The following PLPPR1 variants were observed in gnomAD, a reference collection of about 807,000 sequenced individuals.
PLPPR1 encodes phospholipid phosphatase-related protein type 1.
In PLPPR1, 10 loss-of-function variants were observed where a neutral mutation model predicts 33.1. That is an observed-to-expected ratio of 0.30 (90% CI 0.19 to 0.51). The LOEUF is 0.51. Among genes scored for constraint, PLPPR1 ranks in the 20% least tolerant of loss-of-function variants. The probability of loss-of-function intolerance (pLI) is 0.97; values close to 1 mark genes in which losing one functional copy is unlikely to be tolerated. For synonymous variants in PLPPR1, 151 were observed against 151.0 expected (o/e 1.00, Z 0.00); for missense variants, 304 against 408.1 (o/e 0.74, Z 2.20).
chr9:101,318,500 G>A (rs371736995), intron 7 of PLPPR1, among the ~76,000 whole-genome samples: 110 of 152,280 alleles, frequency 7.2e-4, no homozygotes, highest in African/African-American at 2.5e-3. Context: ...GGCCGAGCGT[G>A]GTGGCTCACG....
intron 1 of PLPPR1, among the ~76,000 whole-genome samples, chr9:101,075,123 G>A (rs909735919): frequency 1.3e-5 from 2 of 152,146 alleles, no homozygotes; most frequent in Non-Finnish European, 2.9e-5. Context: ...GTGTTTAAGA[G>A]AAGTATATCT....
At chr9:101,308,122 T>A (rs1022246896) in intron 4 of PLPPR1, among the ~76,000 whole-genome samples, 1 of 152,148 alleles carries the variant, frequency 6.6e-6, no homozygotes, top group African/African-American at 2.4e-5. Context: ...CACCAAAGGA[T>A]GATCATGTCC....
chr9:101,278,024 C>G (rs1485477782), intron 3 of PLPPR1, among the ~76,000 whole-genome samples: 1 of 152,150 alleles, frequency 6.6e-6, no homozygotes, highest in Admixed American at 6.5e-5. Flanking sequence ...AACTCCAAAG[C>G]CCGCATTCAG....
intron 2 of PLPPR1, among the ~76,000 whole-genome samples, chr9:101,240,626 A>G (rs542090419): frequency 6.6e-6 from 1 of 152,184 alleles, no homozygotes; most frequent in South Asian, 2.1e-4. Context: ...GAAAGATTCA[A>G]TCTCACGGTT....
At chr9:101,294,457 C>A (rs1395431364) in intron 4 of PLPPR1, among the ~76,000 whole-genome samples, 2 of 152,110 alleles carry the variant, frequency 1.3e-5, no homozygotes, top group Non-Finnish European at 2.9e-5. Flanking sequence ...TTTTATGAGG[C>A]CAGCATCATC....
chr9:101,158,841 A>G (rs1337162216), intron 1 of PLPPR1, among the ~76,000 whole-genome samples: 4 of 148,124 alleles, frequency 2.7e-5, no homozygotes, highest in Non-Finnish European at 5.9e-5. Flanking sequence ...GAGTTGGGCC[A>G]GATCAACTGA....
chr9:101,296,029 G>A (rs1403562468), intron 4 of PLPPR1, among the ~76,000 whole-genome samples: 2 of 151,680 alleles, frequency 1.3e-5, no homozygotes, highest in Non-Finnish European at 2.9e-5. Flanking sequence ...TATAAAATGG[G>A]AGAAAATTTT....
Position 101,195,999 on chromosome 9 carries a change from T to A in PLPPR1, c.63+10442T>A, listed in dbSNP as rs1026761721. 3.3e-5 allele frequency among the ~76,000 whole-genome samples: 5 copies of A among 152,226 alleles called. 1 individual carries two copies. The highest frequency in any genetic ancestry group is 3.3e-4 in the Admixed American group (5 of 15,292). On this transcript the variant is annotated intron_variant, in intron 2 of 7. Transcript: ENST00000374874. ...TGTAAGAACTATAAAAGATAGCATCTTGTCTAATGCAGTGTATTATTTTGC... is the reference window on the plus strand; with the variant it reads ...TGTAAGAACTATAAAAGATAGCATCATGTCTAATGCAGTGTATTATTTTGC...
At chr9:101,293,331 T>G (rs1828555579) in intron 4 of PLPPR1, among the ~76,000 whole-genome samples, 1 of 151,672 alleles carries the variant, frequency 6.6e-6, no homozygotes, top group Non-Finnish European at 1.5e-5. Context: ...CAAGGAGACT[T>G]AGACTCCCAC....
chr9:101,212,975 AAT>A (rs1157190761), intron 2 of PLPPR1, among the ~76,000 whole-genome samples: 1 of 152,192 alleles, frequency 6.6e-6, no homozygotes, highest in African/African-American at 2.4e-5. Context: ...TGTAGTCATA[AAT>A]AGTTTACATA....
At chr9:101,057,867 G>A (rs1018047998) in intron 1 of PLPPR1, among the ~76,000 whole-genome samples, 1 of 152,152 alleles carries the variant, frequency 6.6e-6, no homozygotes, top group South Asian at 2.1e-4. Context: ...GTGTACACCT[G>A]AGAAGACAAT....
chr9:101,246,055 AATATATATATATATATATATATAT>A (rs58070017), intron 2 of PLPPR1, among the ~76,000 whole-genome samples: 1,129 of 85,678 alleles, frequency 0.013, 42 homozygotes, highest in African/African-American at 0.015. Context: ...ATTGAATATG[AATATATATATATATATATATATAT>A]ATATATATAT....
chr9:101,114,141 A>C (rs1831091842), intron 1 of PLPPR1, among the ~76,000 whole-genome samples: 1 of 152,252 alleles, frequency 6.6e-6, no homozygotes, highest in South Asian at 2.1e-4. Context: ...GAGGCTAAAA[A>C]AAGAGGAATC....
At chr9:101,083,897 A>G (rs1327016981) in intron 1 of PLPPR1, among the ~76,000 whole-genome samples, 3 of 152,232 alleles carry the variant, frequency 2.0e-5, no homozygotes, top group Non-Finnish European at 2.9e-5. Context: ...ACCTTGGCTG[A>G]TACTGCCTAA....
At position 101,219,061 on chromosome 9, in the gene PLPPR1, A is replaced by G. The variant is rs1192223085; in HGVS notation, c.63+33504A>G. ...GGAAAGGATAGTTTTTAAACCGGCC[A>G]TGTCATGAACACGCTCCTCCATCCG... On this transcript the variant is annotated intron_variant, in intron 2 of 7. Transcript: ENST00000374874. Among the ~76,000 whole-genome samples the G allele has an allele frequency of 9.2e-5, 14 of 152,334 alleles. No individual in the cohort carries two copies. The South Asian group carries it at 2.5e-3, about 27-fold the overall frequency.
At chr9:101,100,971 A>G (rs1012768313) in intron 1 of PLPPR1, among the ~76,000 whole-genome samples, 1 of 152,168 alleles carries the variant, frequency 6.6e-6, no homozygotes, top group Admixed American at 6.6e-5. Flanking sequence ...ACTTTGAGCC[A>G]GTGTGCAGTA....
chr9:101,233,966 A>G (rs1206386808), intron 2 of PLPPR1, among the ~76,000 whole-genome samples: 4 of 151,954 alleles, frequency 2.6e-5, no homozygotes, highest in Admixed American at 2.6e-4. Context: ...TAATATCATT[A>G]TAATACTGAC....
At chr9:101,152,316 A>G (rs896708353) in intron 1 of PLPPR1, among the ~76,000 whole-genome samples, 4 of 152,198 alleles carry the variant, frequency 2.6e-5, no homozygotes, top group Admixed American at 6.5e-5. Flanking sequence ...TCAGATGAGT[A>G]GATTGCAGAA....
chr9:101,097,254 G>A (rs1468095445), intron 1 of PLPPR1, among the ~76,000 whole-genome samples: 1 of 152,164 alleles, frequency 6.6e-6, no homozygotes, highest in Non-Finnish European at 1.5e-5. Flanking sequence ...AGGTGATGCT[G>A]CGCCTGGTGG....
Sources: allele counts gnomAD v4.1 joint callset (sites outside exome capture counted in the v4.1 genomes callset), GRCh38; gene constraint gnomAD v4.1.1; transcripts MANE v1.5; gene names NCBI Gene and HGNC (gene_info 2026-07-23, HGNC 2026-07-21).